Variants in RAD51C observed in about 807,000 individuals in gnomAD.
The protein encoded by RAD51C is RAD51 paralog C, also known as DNA repair protein RAD51 homolog 3.
A neutral mutation model predicts 45.0 loss-of-function variants in RAD51C; 42 were observed. That is an observed-to-expected ratio of 0.93 (90% CI 0.73 to 1.21). The LOEUF (loss-of-function observed/expected upper bound fraction) is 1.21. Ranked by LOEUF, RAD51C falls within the 50% of genes most tolerant of loss-of-function variation. The probability of loss-of-function intolerance (pLI) is 0.00; values close to 1 mark genes in which losing one functional copy is unlikely to be tolerated. For synonymous variants in RAD51C, 172 were observed against 159.8 expected, an observed-to-expected ratio of 1.08 and a Z score of -0.58; for missense variants, 474 against 452.2, an observed-to-expected ratio of 1.05 and a Z score of -0.44.
At chr17:58,692,893 C>T in intron 1 of RAD51C, 105 bp downstream of exon 1, 3 of 1,524,408 alleles carry the variant, frequency 2.0e-6, no homozygotes, top group Middle Eastern at 1.7e-4. Flanking sequence ...TTAGATTCTG[C>T]TTCCTCCCAC....
At chr17:58,719,860 C>G (rs1189317552) in intron 5 of RAD51C, among the ~76,000 whole-genome samples, 1 of 150,968 alleles carries the variant, frequency 6.6e-6, no homozygotes, top group Non-Finnish European at 1.5e-5. Flanking sequence ...TCCTGAGCAA[C>G]TGGGACTACA....
At chr17:58,700,260 TGTCA>T (rs978321509) in intron 3 of RAD51C, 1 of 152,102 alleles carries the variant, frequency 6.6e-6, no homozygotes, top group African/African-American at 2.4e-5. Flanking sequence ...ATCCATCTTT[TGTCA>T]GTCCGATTTA....
At chr17:58,726,582 ATATAGAT>A (rs2049152514) in intron 7 of RAD51C, among the ~76,000 whole-genome samples, 23 of 42,370 alleles carry the variant, frequency 5.4e-4, no homozygotes, top group Non-Finnish European at 1.1e-3. Flanking sequence ...ATGTGTATAC[ATATAGAT>A]GTATATATGT....
chr17:58,695,043 A>T lies in RAD51C; in HGVS notation c.258A>T (p.Thr86=), dbSNP rs149228565. Residue 86 remains threonine, a synonymous_variant, in exon 2 of 9, where the codon ACA becomes ACT. Coordinates refer to ENST00000337432, the MANE Select transcript of RAD51C (RefSeq NM_058216.3). The part of the protein sequence containing the change: ...AGTSESHKKC[T]ALELLEQEHT... ...CATCTGAGTCACACAAGAAGTGTACAGCACTGGAACTTCTTGAGCAGGAGC... is the reference window on the plus strand; with the variant it reads ...CATCTGAGTCACACAAGAAGTGTACTGCACTGGAACTTCTTGAGCAGGAGC... 36 of 1,613,990 alleles carry T rather than the reference A, an allele frequency of 2.2e-5. No individual in the cohort carries two copies. In the African/African-American group the frequency reaches 4.5e-4, roughly 20 times the overall value.
In RAD51C at chr17:58,734,092, T is replaced by A. The variant is rs2049556567; in HGVS notation, c.1027-26T>A. 8 of 1,596,080 alleles carry A rather than the reference T, an allele frequency of 5.0e-6. No homozygotes were observed. The African/African-American group carries it at 6.7e-5, about 13-fold the overall frequency. On this transcript the variant is annotated intron_variant, in intron 8 of 8. Coordinates refer to ENST00000337432, the MANE Select transcript of RAD51C (RefSeq NM_058216.3). ...GTCTTCAAATGTTCTTAAAGCATAT[T>A]TGTATATATATTTTTTATCTTTCAG... is the stretch of plus-strand genomic sequence containing the variant.
At position 58,732,442 on chromosome 17, in the gene RAD51C, A is replaced by G. The variant is rs754729044; in HGVS notation, c.966-42A>G. On this transcript the variant is annotated intron_variant, in intron 7 of 8. Coordinates refer to ENST00000337432, the MANE Select transcript of RAD51C (RefSeq NM_058216.3). ...GGTCATCTGAACTTTTAATTAATTA[A>G]GTTCATGTGTTTGTATGTATTTATT... is the stretch of plus-strand genomic sequence containing the variant. 1.9e-6 allele frequency: 3 copies of G among 1,542,222 alleles called. No homozygotes were observed. The Admixed American group carries it at 5.0e-5, about 26-fold the overall frequency.
intron 5 of RAD51C, among the ~76,000 whole-genome samples, chr17:58,713,469 T>G (rs1307388103): frequency 6.6e-6 from 1 of 151,880 alleles, no homozygotes; most frequent in African/African-American, 2.4e-5. Flanking sequence ...GCCTCTTGAG[T>G]AACTGAGACC....
chr17:58,695,475 G>T (rs2047971110), intron 2 of RAD51C: 2 of 733,154 alleles, frequency 2.7e-6, no homozygotes. Context: ...GACTATATTT[G>T]AAAGTCAGAT....
intron 5 of RAD51C, among the ~76,000 whole-genome samples, chr17:58,711,451 G>A (rs1411099448): frequency 1.3e-5 from 2 of 152,094 alleles, no homozygotes; most frequent in East Asian, 3.8e-4. Context: ...GATCTGAAAG[G>A]ACCAAAACAT....
At chr17:58,714,845 A>G (rs951667662) in intron 5 of RAD51C, among the ~76,000 whole-genome samples, 1 of 152,180 alleles carries the variant, frequency 6.6e-6, no homozygotes, top group Non-Finnish European at 1.5e-5. Flanking sequence ...AATTTTTTAA[A>G]CAGCCTTAAT....
chr17:58,697,781 T>G (rs2048070591), intron 3 of RAD51C, among the ~76,000 whole-genome samples: 1 of 151,560 alleles, frequency 6.6e-6, no homozygotes, highest in Non-Finnish European at 1.5e-5. Flanking sequence ...GGCACAATCT[T>G]GGCTCACTGC....
intron 3 of RAD51C, among the ~76,000 whole-genome samples, chr17:58,697,715 G>A (rs922070359): frequency 6.6e-6 from 1 of 151,178 alleles, no homozygotes; most frequent in Admixed American, 6.6e-5. Context: ...ACTGTAAAAC[G>A]ATTTTTTTTT....
intron 5 of RAD51C, among the ~76,000 whole-genome samples, chr17:58,711,852 G>GT (rs915617527): frequency 2.0e-5 from 3 of 151,626 alleles, no homozygotes; most frequent in African/African-American, 4.8e-5. Flanking sequence ...TTGCTTGAAG[G>GT]TTTTTTTTCC....
intron 2 of RAD51C, among the ~76,000 whole-genome samples, chr17:58,696,054 A>C (rs371303424): frequency 6.8e-6 from 1 of 147,510 alleles, no homozygotes; most frequent in African/African-American, 2.5e-5. Flanking sequence ...GTGACAGAGC[A>C]AGACTCTGTC....
At chr17:58,729,651 A>G (rs1598527070) in intron 7 of RAD51C, among the ~76,000 whole-genome samples, 2 of 151,862 alleles carry the variant, frequency 1.3e-5, no homozygotes, top group South Asian at 4.2e-4. Flanking sequence ...GGCTCCCTGC[A>G]ACCTCCACCT....
Position 58,734,422 on chromosome 17 carries a change from T to C in RAD51C, c.*200T>C, listed in dbSNP as rs998155191. 3 of 885,232 alleles carry C rather than the reference T, an allele frequency of 3.4e-6. No homozygotes were observed. Among genetic ancestry groups the C allele is most frequent in the Non-Finnish European group, 5.0e-6 (3 of 601,472 alleles). The allele number at this position is 885,232 out of a possible 1,614,324, so 54.8% of individuals were successfully genotyped here. On this transcript the variant is annotated 3_prime_UTR_variant, in exon 9 of 9. Coordinates refer to ENST00000337432, the MANE Select transcript of RAD51C (RefSeq NM_058216.3). Reference sequence around the variant, plus strand: ...AGTATTCTGCAATTATATTTTACCCTGTTTTCATTTTCAGTAACATTCAGT... The same window carrying C: ...AGTATTCTGCAATTATATTTTACCCCGTTTTCATTTTCAGTAACATTCAGT...
At chr17:58,711,924 A>G (rs1456292292) in intron 5 of RAD51C, among the ~76,000 whole-genome samples, 1 of 152,170 alleles carries the variant, frequency 6.6e-6, no homozygotes, top group South Asian at 2.1e-4. Context: ...TTAAGGCCAG[A>G]TGTGGTAACT....
In RAD51C at chr17:58,695,003, C is replaced by G. The variant is rs1006806353; in HGVS notation, c.218C>G (p.Pro73Arg). The change falls in exon 2 of 9, where the codon CCA (proline) becomes CGA (arginine). Residue 73 changes from proline to arginine, a missense_variant. Transcript: ENST00000337432. The stretch of plus-strand genomic sequence containing the variant: ...AGAAGAGAATGTCTCACAAATAAAC[C>G]AAGATATGCTGGTACATCTGAGTCA... ...IIRRECLTNK[P>R]RYAGTSESHK... 1 of 1,613,832 alleles carries G rather than the reference C, an allele frequency of 6.2e-7. No individual in the cohort carries two copies. Among genetic ancestry groups the G allele is most frequent in the African/African-American group, 1.3e-5 (1 of 74,864 alleles).
chr17:58,703,332 A>T lies in RAD51C; in HGVS notation c.705+3A>T, dbSNP rs878855179. 1 of 1,611,030 alleles carries T rather than the reference A, an allele frequency of 6.2e-7. No homozygotes were observed. Among genetic ancestry groups the T allele is most frequent in the Non-Finnish European group, 8.5e-7 (1 of 1,177,634 alleles). ...ATTTCCTTTCAGAACACTCAAAGGTATGAGTCAGACTACTGAAATGTAACT... is the reference window on the plus strand; with the variant it reads ...ATTTCCTTTCAGAACACTCAAAGGTTTGAGTCAGACTACTGAAATGTAACT... On this transcript the variant is annotated splice_donor_region_variant and intron_variant, in intron 4 of 8. Transcript: ENST00000337432.
Sources: gnomAD v4.1 joint callset for allele counts (sites outside exome capture counted in the v4.1 genomes callset) on GRCh38, gnomAD v4.1.1 for gene constraint, MANE v1.5 for transcripts, NCBI Gene and HGNC (gene_info 2026-07-23, HGNC 2026-07-21) for gene names.